Variants in CACNA1C observed in about 807,000 individuals in gnomAD.
CACNA1C encodes voltage-dependent L-type calcium channel subunit alpha-1C.
A neutral mutation model predicts 229.0 loss-of-function variants in CACNA1C; 30 were observed. The ratio of observed to expected loss-of-function variants is 0.13; its 90% CI spans 0.10 to 0.18. CACNA1C has a LOEUF of 0.18. Among genes scored for constraint, CACNA1C ranks in the 10% least tolerant of loss-of-function variants. CACNA1C has a pLI of 1.00. For missense variants in CACNA1C, 1,658 were observed against 2,845.0 expected (o/e 0.58, Z 9.49); for synonymous variants, 1,114 against 1,132.5 (o/e 0.98, Z 0.33).
At chr12:2,294,747 G>C (rs1185664880) in intron 3 of CACNA1C, among the ~76,000 whole-genome samples, 1 of 152,100 alleles carries the variant, frequency 6.6e-6, no homozygotes, top group African/African-American at 2.4e-5. Context: ...AGCATCTCTG[G>C]CAGCCGCTGG....
chr12:2,430,230 T>C (rs1045352176), intron 3 of CACNA1C, among the ~76,000 whole-genome samples: 2 of 152,000 alleles, frequency 1.3e-5, no homozygotes, highest in African/African-American at 4.8e-5. Context: ...ACCTTGGGGG[T>C]TAGGATTTCA....
In CACNA1C at chr12:1,998,065, T is replaced by C; in HGVS notation, c.139+26864T>C. On this transcript the variant is annotated intron_variant, in intron 1 of 46. Transcript: ENST00000682462. Reference sequence around the variant, plus strand: ...AAATTCTCATAGAATAGGAATTATATATAACTTCAATGGGCCAAATATACC... The same window carrying C: ...AAATTCTCATAGAATAGGAATTATACATAACTTCAATGGGCCAAATATACC... The C allele has an allele frequency of 3.3e-6, 4 of 1,218,434 alleles. No individual in the cohort carries two copies. The Admixed American group carries it at 7.1e-5, about 22-fold the overall frequency. The allele number at this position is 1,218,434 out of a possible 1,614,324, so 75.5% of individuals were successfully genotyped here.
intron 29 of CACNA1C, among the ~76,000 whole-genome samples, chr12:2,622,775 C>T (rs1358595281): frequency 1.3e-5 from 2 of 152,306 alleles, no homozygotes; most frequent in East Asian, 1.9e-4. Context: ...CCTCTCTCCT[C>T]GCTCTGCCCA....
At chr12:2,087,309 G>C (rs986075510) in intron 1 of CACNA1C, among the ~76,000 whole-genome samples, 1 of 152,192 alleles carries the variant, frequency 6.6e-6, no homozygotes, top group Non-Finnish European at 1.5e-5. Flanking sequence ...TGGCACAATG[G>C]GGGAGAGTCC....
chr12:2,100,660 G>A (rs2076047347), intron 1 of CACNA1C, among the ~76,000 whole-genome samples: 1 of 151,586 alleles, frequency 6.6e-6, no homozygotes, highest in East Asian at 1.9e-4. Flanking sequence ...GGGAGGCTAA[G>A]GTGGGAGGAT....
intron 4 of CACNA1C, among the ~76,000 whole-genome samples, chr12:2,451,353 A>G (rs528752857): frequency 3.9e-5 from 6 of 152,314 alleles, no homozygotes; most frequent in Admixed American, 1.3e-4. Context: ...AGTCTTTTGC[A>G]CATGCATAGA....
intron 3 of CACNA1C, among the ~76,000 whole-genome samples, chr12:2,334,016 A>G (rs2096623661): frequency 6.6e-6 from 1 of 152,170 alleles, no homozygotes; most frequent in Non-Finnish European, 1.5e-5. Context: ...TGCTGGGCAG[A>G]GTGGAAGATC....
intron 3 of CACNA1C, among the ~76,000 whole-genome samples, chr12:2,415,080 G>A (rs1595669757): frequency 2.0e-5 from 3 of 152,210 alleles, no homozygotes; most frequent in Admixed American, 1.3e-4. Context: ...AGATACCTCT[G>A]TGGCATGCGA....
At chr12:2,423,947 T>C (rs1293565295) in intron 3 of CACNA1C, among the ~76,000 whole-genome samples, 2 of 152,204 alleles carry the variant, frequency 1.3e-5, no homozygotes, top group African/African-American at 4.8e-5. Flanking sequence ...TATGGGCTCA[T>C]GGCAGGTGGC....
At chr12:2,168,062 G>A (rs996236589) in intron 3 of CACNA1C, among the ~76,000 whole-genome samples, 1 of 152,094 alleles carries the variant, frequency 6.6e-6, no homozygotes, top group Non-Finnish European at 1.5e-5. Flanking sequence ...GTTTGTGTGT[G>A]GGGGGGAGTG....
intron 3 of CACNA1C, among the ~76,000 whole-genome samples, chr12:2,171,829 G>A (rs553006858): frequency 5.1e-4 from 77 of 152,270 alleles, no homozygotes; most frequent in African/African-American, 1.9e-3. Context: ...GGAGAGGAAG[G>A]CCTCCCCGAG....
intron 3 of CACNA1C, among the ~76,000 whole-genome samples, chr12:2,434,383 T>C (rs1308236296): frequency 6.6e-6 from 1 of 152,234 alleles, no homozygotes; most frequent in Non-Finnish European, 1.5e-5. Flanking sequence ...TCAGTTCACA[T>C]CTTCCCTTTA....
chr12:2,101,547 C>G (rs74060152), intron 1 of CACNA1C, among the ~76,000 whole-genome samples: 3,292 of 152,244 alleles, frequency 0.022, 100 homozygotes, highest in African/African-American at 0.068. Flanking sequence ...CCTGTGGGTC[C>G]GTGAGCTCCG....
chr12:2,344,385 C>T (rs1333990131), intron 3 of CACNA1C, among the ~76,000 whole-genome samples: 1 of 152,140 alleles, frequency 6.6e-6, no homozygotes, highest in Non-Finnish European at 1.5e-5. Flanking sequence ...GTGAAGGTAG[C>T]TCTGGGTTCT....
At chr12:2,376,212 G>A (rs376317027) in intron 3 of CACNA1C, among the ~76,000 whole-genome samples, 1 of 152,288 alleles carries the variant, frequency 6.6e-6, no homozygotes, top group South Asian at 2.1e-4. Context: ...AGAACACACT[G>A]CCATGGAGGA....
intron 3 of CACNA1C, among the ~76,000 whole-genome samples, chr12:2,434,480 A>G (rs1269686847): frequency 1.3e-5 from 2 of 152,228 alleles, no homozygotes; most frequent in Non-Finnish European, 2.9e-5. Flanking sequence ...CATCTGTCCA[A>G]GCTGCAATAG....
intron 3 of CACNA1C, among the ~76,000 whole-genome samples, chr12:2,266,115 G>A (rs1211847988): frequency 6.6e-6 from 1 of 152,204 alleles, no homozygotes; most frequent in East Asian, 1.9e-4. Context: ...GAGCAGGCAT[G>A]TGGCTTGCCA....
intron 1 of CACNA1C, among the ~76,000 whole-genome samples, chr12:1,986,060 G>A (rs935177369): frequency 2.6e-5 from 4 of 152,156 alleles, no homozygotes; most frequent in East Asian, 1.9e-4. Flanking sequence ...TGATCTGCCC[G>A]CCTTGGCCTC....
intron 5 of CACNA1C, among the ~76,000 whole-genome samples, chr12:2,465,906 C>G (rs1302072033): frequency 6.6e-6 from 1 of 152,044 alleles, no homozygotes; most frequent in Non-Finnish European, 1.5e-5. Flanking sequence ...TCCTGAGCGC[C>G]CTGCCAGAAG....
Sources: allele counts gnomAD v4.1 joint callset (sites outside exome capture counted in the v4.1 genomes callset), GRCh38; gene constraint gnomAD v4.1.1; transcripts MANE v1.5; gene names NCBI Gene and HGNC (gene_info 2026-07-23, HGNC 2026-07-21).